Variants in CTNNA3 observed in about 807,000 individuals in gnomAD.
CTNNA3 encodes the protein catenin alpha 3.
In CTNNA3, 76 loss-of-function variants were observed where a neutral mutation model predicts 95.7. That is an observed-to-expected ratio of 0.79 (90% confidence interval 0.66 to 0.96). The LOEUF (loss-of-function observed/expected upper bound fraction) is 0.96. CTNNA3 is among the 40% of genes least tolerant of loss of function. The pLI, the probability that CTNNA3 is intolerant of heterozygous loss-of-function variation, is 0.00. For synonymous variants in CTNNA3, 431 were observed against 374.4 expected (o/e 1.15, Z -1.74); for missense variants, 1,191 against 1,089.8 (o/e 1.09, Z -1.31).
At chr10:66,707,831 C>T (rs935955476) in intron 9 of CTNNA3, among the ~76,000 whole-genome samples, 3 of 152,044 alleles carry the variant, frequency 2.0e-5, no homozygotes, top group African/African-American at 7.2e-5. Flanking sequence ...CAACACTTTC[C>T]AAGTCTTCAT....
chr10:66,912,406 T>C (rs761121921), intron 7 of CTNNA3, among the ~76,000 whole-genome samples: 1 of 152,244 alleles, frequency 6.6e-6, no homozygotes, highest in Non-Finnish European at 1.5e-5. Flanking sequence ...GGGTATAGTT[T>C]GTTTCTTTTA....
At chr10:66,966,213 A>G (rs1589508898) in intron 7 of CTNNA3, among the ~76,000 whole-genome samples, 1 of 152,146 alleles carries the variant, frequency 6.6e-6, no homozygotes, top group Non-Finnish European at 1.5e-5. Context: ...ATAAACGAAA[A>G]CAATTTTCCC....
chr10:66,329,302 A>C (rs1324355679), intron 12 of CTNNA3, among the ~76,000 whole-genome samples: 2 of 151,854 alleles, frequency 1.3e-5, no homozygotes, highest in African/African-American at 4.8e-5. Flanking sequence ...CTGGGACCTC[A>C]ATAGATTGGA....
chr10:67,291,578 A>G (rs551270447), intron 5 of CTNNA3, among the ~76,000 whole-genome samples: 2 of 152,172 alleles, frequency 1.3e-5, no homozygotes, highest in South Asian at 4.1e-4. Flanking sequence ...CATTGTGAGC[A>G]CCCAAATAGT....
intron 7 of CTNNA3, among the ~76,000 whole-genome samples, chr10:66,892,564 A>G (rs2177353): frequency 0.31 from 47,688 of 151,912 alleles, 8,830 homozygotes; most frequent in East Asian, 0.47. Context: ...GAATTCAACA[A>G]TGATATTTTT....
intron 11 of CTNNA3, among the ~76,000 whole-genome samples, chr10:66,423,662 C>T (rs1194767565): frequency 6.6e-6 from 1 of 152,116 alleles, no homozygotes; most frequent in Non-Finnish European, 1.5e-5. Context: ...TGATCAGAGA[C>T]ATTACAACCC....
At chr10:66,126,324 T>C (rs1009020827) in intron 13 of CTNNA3, among the ~76,000 whole-genome samples, 10 of 152,206 alleles carry the variant, frequency 6.6e-5, no homozygotes, top group African/African-American at 1.2e-4. Context: ...ATTGTTAGAA[T>C]AGAAGTTTAT....
chr10:67,225,530 T>C (rs1864867454), intron 5 of CTNNA3, among the ~76,000 whole-genome samples: 1 of 152,150 alleles, frequency 6.6e-6, no homozygotes, highest in Admixed American at 6.6e-5. Context: ...GAGAGCCATA[T>C]ATGGTTCACA....
At chr10:67,007,034 G>T (rs1211208690) in intron 7 of CTNNA3, among the ~76,000 whole-genome samples, 5 of 152,076 alleles carry the variant, frequency 3.3e-5, no homozygotes, top group Admixed American at 1.3e-4. Context: ...GACCTCAAAT[G>T]ATCCACCCTG....
intron 1 of CTNNA3, among the ~76,000 whole-genome samples, chr10:67,743,514 A>C (rs1345952385): frequency 1.3e-5 from 2 of 151,282 alleles, no homozygotes; most frequent in Non-Finnish European, 3.0e-5. Flanking sequence ...AAATAATAAG[A>C]GCTATCTATG....
intron 7 of CTNNA3, among the ~76,000 whole-genome samples, chr10:67,131,204 G>C (rs912046303): frequency 4.7e-4 from 71 of 152,106 alleles, no homozygotes; most frequent in African/African-American, 1.7e-3. Context: ...AGCCTTTTCT[G>C]AGCCAAGAGG....
intron 5 of CTNNA3, among the ~76,000 whole-genome samples, chr10:67,281,549 T>TATG (rs1175759641): frequency 1.3e-5 from 2 of 152,154 alleles, no homozygotes; most frequent in Non-Finnish European, 2.9e-5. Context: ...TTCTAATATA[T>TATG]ATGATGGTTT....
At chr10:65,963,563 G>A (rs1037374374) in intron 17 of CTNNA3, among the ~76,000 whole-genome samples, 2 of 152,032 alleles carry the variant, frequency 1.3e-5, no homozygotes, top group Non-Finnish European at 2.9e-5. Context: ...AATGTTGTAT[G>A]GTTTATTACA....
chr10:67,750,151 A>G, intron 1 of CTNNA3: 1 of 885,222 alleles, frequency 1.1e-6, no homozygotes, highest in Non-Finnish European at 1.8e-6. Flanking sequence ...TAAGAGCTGT[A>G]ACAGTTACCA....
chr10:67,709,779 C>T (rs1451925189), intron 1 of CTNNA3, among the ~76,000 whole-genome samples: 1 of 151,986 alleles, frequency 6.6e-6, no homozygotes, highest in Non-Finnish European at 1.5e-5. Context: ...TTCAGTGACC[C>T]CACTCTGGTC....
At chr10:65,962,040 C>A (rs79544572) in intron 17 of CTNNA3, among the ~76,000 whole-genome samples, 16,355 of 152,068 alleles carry the variant, frequency 0.11, 1,107 homozygotes, top group East Asian at 0.2. Context: ...ATGGTAAACT[C>A]CCAGTTTGTT....
intron 9 of CTNNA3, among the ~76,000 whole-genome samples, chr10:66,654,855 A>AC (rs1195312437): frequency 1.3e-5 from 2 of 152,266 alleles, no homozygotes; most frequent in East Asian, 3.9e-4. Flanking sequence ...GACAGGCTTT[A>AC]CCACATGATC....
At chr10:66,263,081 A>G (rs970174496) in intron 13 of CTNNA3, among the ~76,000 whole-genome samples, 2 of 152,054 alleles carry the variant, frequency 1.3e-5, no homozygotes, top group Non-Finnish European at 2.9e-5. Flanking sequence ...GATAACAGAC[A>G]TACGGTTGGA....
intron 7 of CTNNA3, among the ~76,000 whole-genome samples, chr10:67,158,369 C>A (rs987571947): frequency 4.6e-5 from 7 of 152,112 alleles, no homozygotes; most frequent in African/African-American, 9.7e-5. Context: ...CATACGGTTG[C>A]AAGCTGTTTT....
Sources: gnomAD v4.1 joint callset for allele counts (sites outside exome capture counted in the v4.1 genomes callset) on GRCh38, gnomAD v4.1.1 for gene constraint, MANE v1.5 for transcripts, NCBI Gene and HGNC (gene_info 2026-07-23, HGNC 2026-07-21) for gene names.